TBC1D2B: variants seen among roughly 807,000 people sequenced by gnomAD.
The protein encoded by TBC1D2B is TBC1 domain family member 2B, also known as TBC1 domain family, member 2B.
Under a neutral mutation model 100.8 loss-of-function variants are expected in TBC1D2B, and 64 were observed. That is an observed-to-expected ratio of 0.64 (90% CI 0.52 to 0.78). The LOEUF (loss-of-function observed/expected upper bound fraction) is 0.78, where lower values mean the gene tolerates loss of function less well. TBC1D2B is among the 30% of genes least tolerant of loss of function. The probability of loss-of-function intolerance (pLI) is 0.00; values close to 1 mark genes in which losing one functional copy is unlikely to be tolerated. For missense variants in TBC1D2B, 1,052 were observed against 1,218.4 expected (o/e 0.86, Z 2.03); for synonymous variants, 480 against 479.7 (o/e 1.00, Z -0.01).
Position 78,013,215 on chromosome 15 carries a change from T to C in TBC1D2B, c.1878A>G (p.Thr626=), listed in dbSNP as rs779538966. ...RALDLKTLYL[T]ENQEVSTGVK... is the part of the protein sequence containing the mutation. The stretch of plus-strand genomic sequence containing the variant: ...CCCCAGTGGAGACTTCCTGGTTTTC[T>C]GTGAGGTAGAGAGTCTTCAGATCCA... Residue 626 remains threonine, a synonymous_variant, in exon 9 of 13, where the codon ACA becomes ACG. Coordinates refer to ENST00000300584, the MANE Select transcript of TBC1D2B (RefSeq NM_144572.2). The C allele has an allele frequency of 1.2e-6, 2 of 1,614,024 alleles. No individual in the cohort carries two copies. The highest frequency in any genetic ancestry group is 1.7e-6 in the Non-Finnish European group (2 of 1,179,892).
chr15:78,007,310 G>A (rs2072093604), intron 10 of TBC1D2B, among the ~76,000 whole-genome samples: 1 of 152,242 alleles, frequency 6.6e-6, no homozygotes, highest in South Asian at 2.1e-4. Flanking sequence ...AACTGGAGCT[G>A]TGGGTGAGTG....
chr15:78,040,363 G>A lies in TBC1D2B; in HGVS notation c.683+4537C>T, dbSNP rs190053839. On this transcript the variant is annotated intron_variant, in intron 3 of 12. Coordinates refer to ENST00000300584, the MANE Select transcript of TBC1D2B (RefSeq NM_144572.2). ...ATGTGCACTCATCTGCCAGTCTACT[G>A]ATACACACCAGCCAAAGCCTCTTCT... 9.9e-5 allele frequency among the ~76,000 whole-genome samples: 15 copies of A among 152,244 alleles called. No homozygotes were observed. In the East Asian group the frequency reaches 2.5e-3, roughly 26 times the overall value.
chr15:78,007,419 C>A (rs767202573), intron 10 of TBC1D2B, among the ~76,000 whole-genome samples: 1 of 152,144 alleles, frequency 6.6e-6, no homozygotes, highest in Non-Finnish European at 1.5e-5. Context: ...ATGTAAGCTT[C>A]CAGGCAGGCG....
intron 1 of TBC1D2B, among the ~76,000 whole-genome samples, chr15:78,065,105 T>C (rs1387546128): frequency 6.6e-6 from 1 of 152,244 alleles, no homozygotes; most frequent in Non-Finnish European, 1.5e-5. Flanking sequence ...GCCACATTCA[T>C]CATCCATTCT....
At chr15:78,009,526 C>T (rs2072162508) in intron 9 of TBC1D2B, among the ~76,000 whole-genome samples, 1 of 150,648 alleles carries the variant, frequency 6.6e-6, no homozygotes, top group African/African-American at 2.4e-5. Context: ...TGCAACAGAA[C>T]AAGACCTTGT....
At chr15:78,004,666 A>G (rs1182995722) in intron 10 of TBC1D2B, among the ~76,000 whole-genome samples, 3 of 152,234 alleles carry the variant, frequency 2.0e-5, no homozygotes, top group Non-Finnish European at 2.9e-5. Flanking sequence ...TTTTAATTCT[A>G]ATCAATTGGA....
At chr15:78,075,900 C>T (rs1407129272) in intron 1 of TBC1D2B, among the ~76,000 whole-genome samples, 1 of 152,142 alleles carries the variant, frequency 6.6e-6, no homozygotes, top group Non-Finnish European at 1.5e-5. Context: ...CAGTCCTCAG[C>T]TCACAAGGCC....
At chr15:78,018,241 G>A (rs1383207850) in intron 6 of TBC1D2B, among the ~76,000 whole-genome samples, 2 of 152,076 alleles carry the variant, frequency 1.3e-5, no homozygotes, top group East Asian at 3.8e-4. Flanking sequence ...AAATAAATAT[G>A]ACATATTCCT....
At chr15:78,035,022 T>C (rs919750427) in intron 3 of TBC1D2B, among the ~76,000 whole-genome samples, 1 of 152,190 alleles carries the variant, frequency 6.6e-6, no homozygotes, top group Non-Finnish European at 1.5e-5. Flanking sequence ...GGCTGTTCTA[T>C]GACAGTATTT....
At chr15:78,064,856 T>C (rs1233676041) in intron 1 of TBC1D2B, among the ~76,000 whole-genome samples, 1 of 152,172 alleles carries the variant, frequency 6.6e-6, no homozygotes, top group Non-Finnish European at 1.5e-5. Flanking sequence ...CCTGGCTCCT[T>C]GGAAAATGGA....
chr15:78,043,381 C>A (rs2141766652), intron 3 of TBC1D2B, among the ~76,000 whole-genome samples: 1 of 152,278 alleles, frequency 6.6e-6, no homozygotes, highest in South Asian at 2.1e-4. Flanking sequence ...CGCACTGCCA[C>A]TACAACCTTT....
chr15:78,070,171 C>T (rs1360576934), intron 1 of TBC1D2B, among the ~76,000 whole-genome samples: 4 of 152,188 alleles, frequency 2.6e-5, no homozygotes, highest in Non-Finnish European at 5.9e-5. Flanking sequence ...TTGAGTCCCA[C>T]ATGCAACCAG....
At chr15:78,043,096 T>G (rs2073123239) in intron 3 of TBC1D2B, among the ~76,000 whole-genome samples, 1 of 152,098 alleles carries the variant, frequency 6.6e-6, no homozygotes. Context: ...TATATCCCAC[T>G]CAGCTTCAAT....
At chr15:78,048,156 A>G (rs2073237274) in intron 2 of TBC1D2B, among the ~76,000 whole-genome samples, 1 of 152,210 alleles carries the variant, frequency 6.6e-6, no homozygotes, top group African/African-American at 2.4e-5. Flanking sequence ...CAGAGGCCCC[A>G]AGGAGGGGTG....
At chr15:78,004,140 A>C (rs1017001869) in intron 10 of TBC1D2B, among the ~76,000 whole-genome samples, 2 of 152,216 alleles carry the variant, frequency 1.3e-5, no homozygotes, top group African/African-American at 4.8e-5. Context: ...GGCTTATATA[A>C]ACTACCTGCG....
chr15:78,031,254 A>G (rs758471054), intron 3 of TBC1D2B, among the ~76,000 whole-genome samples: 17 of 152,192 alleles, frequency 1.1e-4, no homozygotes, highest in Non-Finnish European at 2.4e-4. Flanking sequence ...GAAGAATAGG[A>G]TCAAGAAGAG....
chr15:78,001,605 T>G lies in TBC1D2B; in HGVS notation c.2696+14A>C. The G allele has an allele frequency of 6.3e-7, 1 of 1,597,036 alleles. No homozygotes were observed. The highest frequency in any genetic ancestry group is 8.5e-7 in the Non-Finnish European group (1 of 1,171,798). On this transcript the variant is annotated intron_variant, in intron 12 of 12. Coordinates refer to ENST00000300584, the MANE Select transcript of TBC1D2B (RefSeq NM_144572.2). ...CCTGCTCTCCTTGACATCTGAGAACTCCCCAGGACTCACCTAGCATCAAGG... is the reference window on the plus strand; with the variant it reads ...CCTGCTCTCCTTGACATCTGAGAACGCCCCAGGACTCACCTAGCATCAAGG...
chr15:78,056,144 A>C (rs1412380208), intron 1 of TBC1D2B, among the ~76,000 whole-genome samples: 1 of 152,234 alleles, frequency 6.6e-6, no homozygotes, highest in African/African-American at 2.4e-5. Context: ...ACATATATGA[A>C]GGAATAAGTG....
chr15:78,037,464 C>G (rs558385187), intron 3 of TBC1D2B, among the ~76,000 whole-genome samples: 1 of 152,366 alleles, frequency 6.6e-6, no homozygotes, highest in Non-Finnish European at 1.5e-5. Flanking sequence ...CCGTGACATA[C>G]TGGGTTCAGC....
Sources: allele counts gnomAD v4.1 joint callset (sites outside exome capture counted in the v4.1 genomes callset), GRCh38; gene constraint gnomAD v4.1.1; transcripts MANE v1.5; gene names NCBI Gene and HGNC (gene_info 2026-07-23, HGNC 2026-07-21).